The following DPF1 variants were observed in gnomAD, a reference collection of about 807,000 sequenced individuals.
The protein encoded by DPF1 is double PHD fingers 1.
A neutral mutation model predicts 58.7 loss-of-function variants in DPF1; 14 were observed. The observed-to-expected ratio is 0.24, with a 90% confidence interval of 0.16 to 0.37. The LOEUF (loss-of-function observed/expected upper bound fraction) is 0.37. Among genes scored for constraint, DPF1 ranks in the 10% least tolerant of loss-of-function variants. The pLI is 1.00. For synonymous variants in DPF1, 216 were observed against 216.0 expected (o/e 1.00, Z 0.00); for missense variants, 345 against 529.9 (o/e 0.65, Z 3.43).
Position 38,218,982 on chromosome 19 carries a change from C to G in DPF1, c.375G>C (p.Thr125=), listed in dbSNP as rs771080092. 9 of 1,614,216 alleles carry G rather than the reference C, an allele frequency of 5.6e-6. No homozygotes were observed. Among genetic ancestry groups the G allele is most frequent in the Admixed American group, 1.7e-5 (1 of 60,028 alleles). ...PVLEALLCAE[T]GEKKIELKEE... ...CCTTCAGCTCAATCTTCTTCTCCCC[C>G]GTCTCTGCACACAGTAGAGCCTCGA... The change falls in exon 4 of 12, where the codon ACG becomes ACC. Residue 125 remains threonine, a synonymous_variant. Coordinates refer to ENST00000355526, the MANE Select transcript of DPF1 (RefSeq NM_001135155.3).
At chr19:38,218,810 G>C in intron 4 of DPF1, 121 bp downstream of exon 4, 1 of 1,548,446 alleles carries the variant, frequency 6.5e-7, no homozygotes, top group Admixed American at 1.8e-5. Context: ...ATGGTGACTG[G>C]GATGCCCAAC....
chr19:38,217,366 A>T, intron 7 of DPF1, 94 bp downstream of exon 7: 1 of 1,373,790 alleles, frequency 7.3e-7, no homozygotes, highest in Non-Finnish European at 9.7e-7. Flanking sequence ...GATTTTCCAG[A>T]AATGTCTAAT....
chr19:38,216,262 G>A lies in DPF1; in HGVS notation c.779-3C>T. Reference sequence around the variant, plus strand: ...AGTGCCGTCGGGCGCCTTCTTGGCTGCAAGACAGCAGACAGGCATTGGCAC... The same window carrying A: ...AGTGCCGTCGGGCGCCTTCTTGGCTACAAGACAGCAGACAGGCATTGGCAC... On this transcript the variant is annotated splice_polypyrimidine_tract_variant and splice_region_variant and intron_variant, in intron 8 of 11. Transcript: ENST00000355526. 1 of 1,614,064 alleles carries A rather than the reference G, an allele frequency of 6.2e-7. No homozygotes were observed. The highest frequency in any genetic ancestry group is 1.1e-5 in the South Asian group (1 of 91,072).
chr19:38,223,257 C>T (rs750941281), intron 1 of DPF1: 54 of 154,058 alleles, frequency 3.5e-4, no homozygotes, highest in Non-Finnish European at 6.5e-4. Context: ...TCACACCACA[C>T]ACACATACAC....
At position 38,211,996 on chromosome 19, in the gene DPF1, A is replaced by T; in HGVS notation, c.*67T>A. The T allele has an allele frequency of 6.5e-7, 1 of 1,535,740 alleles. No individual in the cohort carries two copies. Among genetic ancestry groups the T allele is most frequent in the Non-Finnish European group, 8.9e-7 (1 of 1,126,532 alleles). ...CCCTGCGGGATGTTCAGGGTGGGGG[A>T]GAATTGAGGAGCTCGGAGAGGCAGG... On this transcript the variant is annotated 3_prime_UTR_variant, in exon 12 of 12. Transcript: ENST00000355526. This position sits in a 1 kb window ranked among gnomAD's most constrained non-coding sequence, Gnocchi z 4.0.
chr19:38,218,859 G>T, intron 4 of DPF1, 72 bp downstream of exon 4: 1 of 1,594,042 alleles, frequency 6.3e-7, no homozygotes, highest in Non-Finnish European at 8.5e-7. Flanking sequence ...GCAGGAACGT[G>T]AGGGCCCGGG....
chr19:38,224,377 CG>C (rs766809573), upstream of DPF1: 2,491 of 1,002,252 alleles, frequency 2.5e-3, 9 homozygotes, highest in Non-Finnish European at 3.0e-3. The surrounding 1 kb of genome is among the most constrained non-coding windows in gnomAD (Gnocchi z 4.5). Flanking sequence ...GCCCGGGGCA[CG>C]CACCGTCACT....
At chr19:38,216,932 G>A (rs1448431564) in intron 7 of DPF1, among the ~76,000 whole-genome samples, 1 of 152,176 alleles carries the variant, frequency 6.6e-6, no homozygotes, top group East Asian at 1.9e-4. Context: ...ACAGACACTC[G>A]GAAGAAAAAC....
At position 38,222,755 on chromosome 19, in the gene DPF1, C is replaced by T; in HGVS notation, c.30-47G>A. The T allele has an allele frequency of 6.6e-7, 1 of 1,512,398 alleles. No homozygotes were observed. 93.7% of individuals were successfully genotyped at this position (1,512,398 alleles called of 1,614,324 possible). ...GGGCGGCTGTCAGCAAGGGCAGGCG[C>T]ACAGGGTCGCCCAGCACCCCTTCCC... is the stretch of plus-strand genomic sequence containing the variant. On this transcript the variant is annotated intron_variant, in intron 1 of 11. Transcript: ENST00000355526. This position sits in a 1 kb window ranked among gnomAD's most constrained non-coding sequence, Gnocchi z 4.9.
chr19:38,218,172 A>G (rs1967179943), intron 5 of DPF1, among the ~76,000 whole-genome samples: 1 of 152,210 alleles, frequency 6.6e-6, no homozygotes. Flanking sequence ...ACTGCACTCT[A>G]GCCTGTGACA....
chr19:38,222,793 C>T lies in DPF1; in HGVS notation c.30-85G>A. ...AGCACCCCTTCCCCGGCTGCCGGGCCGCCCAGGCTCGGGAGGGGTGGGCCG... is the reference window on the plus strand; with the variant it reads ...AGCACCCCTTCCCCGGCTGCCGGGCTGCCCAGGCTCGGGAGGGGTGGGCCG... On this transcript the variant is annotated intron_variant, in intron 1 of 11. Transcript: ENST00000355526. This position sits in a 1 kb window ranked among gnomAD's most constrained non-coding sequence, Gnocchi z 4.9. 1 of 1,421,480 alleles carries T rather than the reference C, an allele frequency of 7.0e-7. No individual in the cohort carries two copies. Among genetic ancestry groups the T allele is most frequent in the South Asian group, 1.5e-5 (1 of 67,078 alleles). The allele number at this position is 1,421,480 out of a possible 1,614,324, so 88.1% of individuals were successfully genotyped here. A position where few individuals can be genotyped will look rare whatever the true frequency, so the allele number is the denominator to read the frequency against.
rs1261784515 is a variant in DPF1, at chr19:38,211,757, C to T, written c.*306G>A. 4.5e-6 allele frequency: 2 copies of T among 448,484 alleles called. No individual in the cohort carries two copies. The highest frequency in any genetic ancestry group is 3.8e-5 in the East Asian group (1 of 26,422). The allele number at this position is 448,484 out of a possible 1,614,324, so 27.8% of individuals were successfully genotyped here. ...TCTTTAGAAAAAGGCTCTGTCCATG[C>T]CCCTGGCTGGCACCCACCACCCCCC... On this transcript the variant is annotated 3_prime_UTR_variant, in exon 12 of 12. Coordinates refer to ENST00000355526, the MANE Select transcript of DPF1 (RefSeq NM_001135155.3). This position sits in a 1 kb window ranked among gnomAD's most constrained non-coding sequence, Gnocchi z 4.0.
At chr19:38,221,539 CA>C (rs200256600) in intron 3 of DPF1, among the ~76,000 whole-genome samples, 28,594 of 140,364 alleles carry the variant, frequency 0.2, 2,827 homozygotes, top group African/African-American at 0.25. Context: ...GACTCCATCT[CA>C]AAAAAAAAAA....
At position 38,211,189 on chromosome 19, in the gene DPF1, AACAC is replaced by A. The variant is rs1187631789; in HGVS notation, c.*870_*873del. ...TCCCTTTTTTAAAACCCGAACAACA[AACAC>A]ACACAACCACAAGAAACAACCACGC... On this transcript the variant is annotated 3_prime_UTR_variant, in exon 12 of 12. Transcript: ENST00000355526. The surrounding 1 kb of genome is among the most constrained non-coding windows in gnomAD (Gnocchi z 4.0). The A allele has an allele frequency of 1.3e-5, 2 of 152,266 alleles. No individual in the cohort carries two copies. Among genetic ancestry groups the A allele is most frequent in the Non-Finnish European group, 2.9e-5 (2 of 68,136 alleles). 9.4% of individuals were successfully genotyped at this position (152,266 alleles called of 1,614,324 possible).
rs372202536 is a variant in DPF1 at position 38,216,273 on chromosome 19, G to A, written c.779-14C>T. 5 of 1,613,962 alleles carry A rather than the reference G, an allele frequency of 3.1e-6. No individual in the cohort carries two copies. The East Asian group carries it at 6.7e-5, about 22-fold the overall frequency. ...GCGCCTTCTTGGCTGCAAGACAGCA[G>A]ACAGGCATTGGCACGGGGCAGGCAA... On this transcript the variant is annotated splice_polypyrimidine_tract_variant and intron_variant, in intron 8 of 11. Transcript: ENST00000355526.
At chr19:38,218,438 C>T in intron 5 of DPF1, 135 bp downstream of exon 5, 1 of 855,630 alleles carries the variant, frequency 1.2e-6, no homozygotes, top group East Asian at 2.5e-5. Context: ...AATCCCCCAC[C>T]CCTGCAGGCC....
In DPF1 at chr19:38,216,198, G is replaced by A. The variant is rs779847669; in HGVS notation, c.840C>T (p.Gly280=). Residue 280 remains glycine (G), a synonymous_variant, in exon 9 of 12, where the codon GGC becomes GGT. Coordinates refer to ENST00000355526, the MANE Select transcript of DPF1 (RefSeq NM_001135155.3). ...CCTCGGGACACCCCGTCTTCTTGGA[G>A]CCCCCCAGGCAGAAGTCACAGTAGC... The part of the protein sequence containing the change: ...PNGYCDFCLG[G]SKKTGCPEDL... 26 of 1,614,006 alleles carry A rather than the reference G, an allele frequency of 1.6e-5. No individual in the cohort carries two copies. The East Asian group carries it at 5.3e-4, about 33-fold the overall frequency.
intron 9 of DPF1, among the ~76,000 whole-genome samples, chr19:38,214,848 T>C (rs1470921268): frequency 6.8e-6 from 1 of 147,818 alleles, no homozygotes; most frequent in East Asian, 2.0e-4. Context: ...TTTTTTTTTT[T>C]TTTTTGAGAC....
intron 1 of DPF1, chr19:38,223,906 C>T: frequency 1.8e-6 from 1 of 550,052 alleles, no homozygotes; most frequent in Non-Finnish European, 2.8e-6. Flanking sequence ...TGGAGGCCCC[C>T]CACGCCCTCC....
Sources: gnomAD v4.1 joint callset for allele counts (sites outside exome capture counted in the v4.1 genomes callset) on GRCh38, gnomAD v4.1.1 for gene constraint, Gnocchi (gnomAD v3.1) non-coding constraint, MANE v1.5 for transcripts, NCBI Gene and HGNC (gene_info 2026-07-23, HGNC 2026-07-21) for gene names.